Variants in DFFA observed in about 807,000 individuals in gnomAD.
DFFA encodes DFF45.
Under a neutral mutation model 28.0 loss-of-function variants are expected in DFFA, and 14 were observed. The ratio of observed to expected loss-of-function variants is 0.50; its 90% CI spans 0.33 to 0.78. DFFA has a LOEUF of 0.78. Ranked by LOEUF, DFFA falls within the 30% of genes least tolerant of loss-of-function variation. The pLI, the probability that DFFA is intolerant of heterozygous loss-of-function variation, is 0.02. For synonymous variants in DFFA, 158 were observed against 170.3 expected (o/e 0.93, Z 0.56); for missense variants, 395 against 407.1 (o/e 0.97, Z 0.26).
At position 10,461,335 on chromosome 1, in the gene DFFA, G is replaced by T; in HGVS notation, c.*155C>A. 1 of 1,315,654 alleles carries T rather than the reference G, an allele frequency of 7.6e-7. No homozygotes were observed. Among genetic ancestry groups the T allele is most frequent in the Non-Finnish European group, 1.0e-6 (1 of 995,022 alleles). The allele number at this position is 1,315,654 out of a possible 1,614,324, so 81.5% of individuals were successfully genotyped here. On this transcript the variant is annotated 3_prime_UTR_variant, in exon 6 of 6. Transcript: ENST00000377038. ...AGCTGGTGGGGCTAAAAAAAAAATT[G>T]GTGGAACGGCGTATGTTGAGACCTG...
chr1:10,457,319 T>C lies in DFFA; in HGVS notation c.*4171A>G, dbSNP rs1025416795. On this transcript the variant is annotated 3_prime_UTR_variant, in exon 6 of 6. Transcript: ENST00000377038. ...CTACACCCGGCTAATTTTTATTTTTTACATTTTTGTAGAGATGGGGTCTTG... is the reference window on the plus strand; with the variant it reads ...CTACACCCGGCTAATTTTTATTTTTCACATTTTTGTAGAGATGGGGTCTTG... The C allele has an allele frequency of 6.6e-6, 1 of 152,228 alleles. No homozygotes were observed. Among genetic ancestry groups the C allele is most frequent in the Non-Finnish European group, 1.5e-5 (1 of 68,106 alleles). The allele number at this position is 152,228 out of a possible 1,614,324, so 9.4% of individuals were successfully genotyped here. A position where few individuals can be genotyped will look rare whatever the true frequency, so the allele number is the denominator to read the frequency against.
chr1:10,462,997 ATAC>A lies in DFFA; in HGVS notation c.783+58_783+60del, dbSNP rs775465307. 4.8e-5 allele frequency: 77 copies of A among 1,607,248 alleles called. No homozygotes were observed. The African/African-American group carries it at 8.7e-4, about 18-fold the overall frequency. ...AAAAGGGCCCACACACCTCTGCATG[ATAC>A]TACTACATCCCAGGGCATGTCCTCC... On this transcript the variant is annotated intron_variant, in intron 5 of 5. Transcript: ENST00000377038.
At position 10,472,444 on chromosome 1, in the gene DFFA, C is replaced by T; in HGVS notation, c.15G>A (p.Gly5=). Residue 5 remains glycine, a synonymous_variant, in exon 1 of 6, where the codon GGG becomes GGA. Coordinates refer to ENST00000377038, the MANE Select transcript of DFFA (RefSeq NM_004401.3). This position sits in a 1 kb window ranked among gnomAD's most constrained non-coding sequence, Gnocchi z 5.0. MEVT[G]DAGVPESGEI... is the part of the protein sequence containing the mutation. ...CGCCAGATTCTGGTACCCCGGCGTC[C>T]CCGGTCACCTCCATCCTCCACAAGG... 3.7e-6 allele frequency: 6 copies of T among 1,611,224 alleles called. No homozygotes were observed. The highest frequency in any genetic ancestry group is 2.2e-5 in the East Asian group (1 of 44,624).
rs1314164253 is a variant in DFFA, at chr1:10,463,509, C to A, written c.553G>T (p.Val185Leu). 6.2e-7 allele frequency: 1 copy of A among 1,614,144 alleles called. No individual in the cohort carries two copies. Among genetic ancestry groups the A allele is most frequent in the Non-Finnish European group, 8.5e-7 (1 of 1,180,050 alleles). Residue 185 changes from valine to leucine, a missense_variant, in exon 4 of 6, where the codon GTG (valine) becomes TTG (leucine). Transcript: ENST00000377038. ...LQQVLDQREE[V>L]RQSKQLLQLY... is the part of the protein sequence containing the mutation. ...TGCAGGAGCTGCTTGGACTGACGCA[C>A]TTCCTCTCTTTGGTCAAGCACCTGT...
chr1:10,467,886 T>C (rs1398510773), intron 2 of DFFA, among the ~76,000 whole-genome samples: 3 of 152,210 alleles, frequency 2.0e-5, no homozygotes, highest in Non-Finnish European at 4.4e-5. Context: ...CAATGTGTGG[T>C]CACACCTACA....
At chr1:10,461,898 A>G (rs1640947719) in intron 5 of DFFA, 196 bp from the exon 6 acceptor site, 1 of 978,854 alleles carries the variant, frequency 1.0e-6, no homozygotes, top group South Asian at 4.7e-5. Context: ...TCTGTCACCC[A>G]GGCTGGAGTG....
Position 10,467,249 on chromosome 1 carries a change from C to T in DFFA, c.382G>A (p.Ala128Thr). ...GACAGATCTTCTTTCAGCTGCCTGG[C>T]CACATTCTTCCACTTCAACCCTGCC... ...SGAGLKWKNV[A>T]RQLKEDLSSI... Residue 128 changes from alanine to threonine, a missense_variant, in exon 3 of 6, where the codon GCC (alanine) becomes ACC (threonine). By Grantham distance (58) the Ala-to-Thr change is moderately conservative. Transcript: ENST00000377038. 12 of 1,614,112 alleles carry T rather than the reference C, an allele frequency of 7.4e-6. No individual in the cohort carries two copies. The highest frequency in any genetic ancestry group is 9.3e-6 in the Non-Finnish European group (11 of 1,180,014).
chr1:10,470,422 CTTTTTTTTTTTT>C (rs59658414), intron 1 of DFFA, among the ~76,000 whole-genome samples: 2 of 107,304 alleles, frequency 1.9e-5, no homozygotes, highest in African/African-American at 3.6e-5. Flanking sequence ...CAGTTTTCCT[CTTTTTTTTTTTT>C]TTTTTTTTGA....
intron 2 of DFFA, 111 bp from the exon 3 acceptor site, chr1:10,467,443 G>A (rs1365058908): frequency 1.7e-6 from 2 of 1,190,154 alleles, no homozygotes; most frequent in Non-Finnish European, 1.2e-6. Context: ...CAATGGGAAA[G>A]AAGCATCTTA....
Position 10,463,418 on chromosome 1 carries a change from CAG to C in DFFA, c.631+11_631+12del, listed in dbSNP as rs767109839. ...TGAATTCTCAGAGTGACTCTGCCTG[CAG>C]AGAGTCCTACCTTCCTGCTTTGACA... On this transcript the variant is annotated intron_variant, in intron 4 of 5. Coordinates refer to ENST00000377038, the MANE Select transcript of DFFA (RefSeq NM_004401.3). The C allele has an allele frequency of 1.4e-5, 23 of 1,601,422 alleles. No homozygotes were observed. In the East Asian group the frequency reaches 2.2e-4, roughly 16 times the overall value.
At chr1:10,465,506 C>T (rs1641008380) in intron 3 of DFFA, among the ~76,000 whole-genome samples, 1 of 151,668 alleles carries the variant, frequency 6.6e-6, no homozygotes, top group Non-Finnish European at 1.5e-5. Context: ...CCTTGTGATC[C>T]ACCCTCCTCA....
chr1:10,462,850 C>G (rs1640966867), intron 5 of DFFA: 1 of 1,405,646 alleles, frequency 7.1e-7, no homozygotes, highest in African/African-American at 1.4e-5. Flanking sequence ...GTTTGATGAT[C>G]TGAGGAAGTG....
At chr1:10,468,462 C>T (rs931512946) in intron 2 of DFFA, among the ~76,000 whole-genome samples, 7 of 151,354 alleles carry the variant, frequency 4.6e-5, no homozygotes, top group African/African-American at 1.7e-4. Context: ...ACAACTCCAG[C>T]CCCAAATGTC....
In DFFA at chr1:10,463,064, A is replaced by C; in HGVS notation, c.777T>G (p.Asp259Glu). 1 of 1,613,916 alleles carries C rather than the reference A, an allele frequency of 6.2e-7. No individual in the cohort carries two copies. The highest frequency in any genetic ancestry group is 8.5e-7 in the Non-Finnish European group (1 of 1,179,968). The change falls in exon 5 of 6, where the codon GAT becomes GAG. Residue 259 changes from aspartate (D) to glutamate (E), a missense_variant. Coordinates refer to ENST00000377038, the MANE Select transcript of DFFA (RefSeq NM_004401.3). The part of the protein sequence containing the change: ...QAPELSLSSQ[D>E]LELVTKEDPK... ...GACCCTGGTTTCCGCCCACCTCCAA[A>C]TCCTGACTAGATAAGCTCAGCTCTG...
intron 1 of DFFA, among the ~76,000 whole-genome samples, chr1:10,471,828 C>A (rs1641102435): frequency 6.6e-6 from 1 of 152,192 alleles, no homozygotes; most frequent in Non-Finnish European, 1.5e-5. Flanking sequence ...TGGGGCCGGG[C>A]TCGGAACTTC....
rs1211559573 is a variant in DFFA at position 10,469,298 on chromosome 1, G to T, written c.177C>A (p.Val59=). Residue 59 remains valine (V), a synonymous_variant, in exon 2 of 6, where the codon GTC becomes GTA. Coordinates refer to ENST00000377038, the MANE Select transcript of DFFA (RefSeq NM_004401.3). ...TGCCATCCTCTGCCAGGACCAGGGT[G>T]ACTGGTGTCAGGGACTTATCAATGG... The part of the protein sequence containing the change: ...ILAIDKSLTP[V]TLVLAEDGTI... The T allele has an allele frequency of 1.2e-6, 2 of 1,614,092 alleles. No individual in the cohort carries two copies. The highest frequency in any genetic ancestry group is 3.3e-5 in the Admixed American group (2 of 60,006).
chr1:10,467,119 A>T (rs1338586323), intron 3 of DFFA, 71 bp downstream of exon 3: 1 of 1,566,850 alleles, frequency 6.4e-7, no homozygotes, highest in East Asian at 2.3e-5. Flanking sequence ...CAAGTATGGA[A>T]GCTAAGAAGG....
intron 4 of DFFA, 35 bp from the exon 5 acceptor site, chr1:10,463,244 G>T: frequency 6.2e-7 from 1 of 1,602,340 alleles, no homozygotes; most frequent in Non-Finnish European, 8.5e-7. Context: ...ATCAGACGTG[G>T]TGTGACCACA....
chr1:10,467,471 AG>A (rs1306066785), intron 2 of DFFA, 139 bp from the exon 3 acceptor site: 1 of 935,944 alleles, frequency 1.1e-6, no homozygotes, highest in African/African-American at 1.6e-5. Flanking sequence ...GATTCACAGG[AG>A]GGTCAATATC....
Sources: gnomAD v4.1 joint callset for allele counts (sites outside exome capture counted in the v4.1 genomes callset) on GRCh38, gnomAD v4.1.1 for gene constraint, Gnocchi (gnomAD v3.1) non-coding constraint, MANE v1.5 for transcripts, NCBI Gene and HGNC (gene_info 2026-07-23, HGNC 2026-07-21) for gene names.